STARD9: variants seen among roughly 807,000 people sequenced by gnomAD.
STARD9 encodes the protein StAR related lipid transfer domain containing 9, also known as stAR-related lipid transfer protein 9.
STARD9 carries 346 observed loss-of-function variants against 399.8 expected under a neutral mutation model. The observed-to-expected ratio is 0.87, with a 90% CI of 0.79 to 0.95. STARD9 has a LOEUF of 0.95. STARD9 is among the 40% of genes least tolerant of loss of function. STARD9 has a pLI of 0.00. For synonymous variants in STARD9, 2,203 were observed against 2,143.5 expected (o/e 1.03, Z -0.77); for missense variants, 5,832 against 5,667.5 (o/e 1.03, Z -0.93).
intron 9 of STARD9, among the ~76,000 whole-genome samples, chr15:42,660,783 ACATGCT>A (rs962347074): frequency 3.4e-4 from 52 of 152,254 alleles, no homozygotes; most frequent in African/African-American, 1.2e-3. Context: ...GAGGCCACCC[ACATGCT>A]GTGGCTCTCT....
rs1439631993 is a variant in STARD9 at position 42,578,145 on chromosome 15, CTG to C, written c.47+2385_47+2386del. Among the ~76,000 whole-genome samples the C allele has an allele frequency of 4.0e-5, 6 of 148,726 alleles. No individual in the cohort carries two copies. In the East Asian group the frequency reaches 1.2e-3, roughly 29 times the overall value. ...TTTCTTTTGGAGATGGAGTCTCACT[CTG>C]TCACCCAGGCTGGAGTGCAATGGCG... is the stretch of plus-strand genomic sequence containing the variant. On this transcript the variant is annotated intron_variant, in intron 1 of 32. Transcript: ENST00000290607.
chr15:42,718,243 TG>T, intron 30 of STARD9, 64 bp downstream of exon 30: 1 of 1,461,188 alleles, frequency 6.8e-7, no homozygotes, highest in Non-Finnish European at 9.3e-7. Flanking sequence ...GGGGTCTTGC[TG>T]GGGGATAGAG....
At chr15:42,589,330 G>C (rs1566855125) in intron 3 of STARD9, among the ~76,000 whole-genome samples, 1 of 152,152 alleles carries the variant, frequency 6.6e-6, no homozygotes, top group Non-Finnish European at 1.5e-5. Flanking sequence ...GGGATTATAG[G>C]CATGAGTCAC....
chr15:42,663,337 G>T lies in STARD9; in HGVS notation c.925G>T (p.Gly309Cys). ...CQSLNSSVSN[G>C]GDSGILSSPS... Reference sequence around the variant, plus strand: ...GAGCCTCAACAGCTCAGTCAGCAATGGTGGTGACAGTGGGATCCTTAGCTC... The same window carrying T: ...GAGCCTCAACAGCTCAGTCAGCAATTGTGGTGACAGTGGGATCCTTAGCTC... Residue 309 changes from glycine (G) to cysteine (C), a missense_variant, in exon 12 of 33, where the codon GGT becomes TGT. Physicochemically the swap from Gly to Cys is radical, Grantham distance 159. Around this residue, in one of 2 missense-constraint regions of STARD9, gnomAD observed 5,828 missense variants for 5,651.1 expected, o/e 1.03. Coordinates refer to ENST00000290607, the MANE Select transcript of STARD9 (RefSeq NM_020759.3). 8 of 1,537,340 alleles carry T rather than the reference G, an allele frequency of 5.2e-6. No individual in the cohort carries two copies. The highest frequency in any genetic ancestry group is 7.0e-6 in the Non-Finnish European group (8 of 1,146,918).
intron 9 of STARD9, among the ~76,000 whole-genome samples, chr15:42,658,699 T>G (rs1595720839): frequency 6.6e-6 from 1 of 151,352 alleles, no homozygotes; most frequent in Non-Finnish European, 1.5e-5. Context: ...GCCAGGCTGG[T>G]CTTGAACTCC....
chr15:42,700,738 T>C (rs1176413063), intron 26 of STARD9, among the ~76,000 whole-genome samples: 3 of 152,216 alleles, frequency 2.0e-5, no homozygotes, highest in East Asian at 3.8e-4. Context: ...CTCTTCACTC[T>C]TTTTTCCTTA....
At position 42,575,769 on chromosome 15, in the gene STARD9, C is replaced by G. The variant is rs1377266815; in HGVS notation, c.47+7C>G. 1 of 1,536,894 alleles carries G rather than the reference C, an allele frequency of 6.5e-7. No individual in the cohort carries two copies. The highest frequency in any genetic ancestry group is 1.2e-5 in the South Asian group (1 of 84,060). On this transcript the variant is annotated splice_region_variant and intron_variant, in intron 1 of 32. Transcript: ENST00000290607. ...TCCGGCCGCTCAGCAAGAGGTGAGT[C>G]TCCGCGGGAGAGGGCGCCTGAGGCT...
At chr15:42,587,969 C>T (rs191912782) in intron 3 of STARD9, among the ~76,000 whole-genome samples, 135 of 152,240 alleles carry the variant, frequency 8.9e-4, no homozygotes, top group African/African-American at 3.1e-3. Flanking sequence ...AGCAAAGTAA[C>T]TAACTTTGAG....
At chr15:42,631,669 G>A (rs2059335273) in intron 3 of STARD9, among the ~76,000 whole-genome samples, 1 of 151,952 alleles carries the variant, frequency 6.6e-6, no homozygotes, top group African/African-American at 2.4e-5. Context: ...ATTTCCATGT[G>A]TGTGTATGGT....
Position 42,662,775 on chromosome 15 carries a change from T to C in STARD9, c.771-19T>C. On this transcript the variant is annotated intron_variant, in intron 10 of 32. Transcript: ENST00000290607. Reference sequence around the variant, plus strand: ...GTCTTATTTGCTTTTGTTTTTGTTTTTCATTGACTGTGTTTTAGCGAAAGA... The same window carrying C: ...GTCTTATTTGCTTTTGTTTTTGTTTCTCATTGACTGTGTTTTAGCGAAAGA... The C allele has an allele frequency of 6.6e-7, 1 of 1,522,906 alleles. No homozygotes were observed. The highest frequency in any genetic ancestry group is 8.8e-7 in the Non-Finnish European group (1 of 1,133,994). 94.3% of individuals were successfully genotyped at this position (1,522,906 alleles called of 1,614,324 possible).
chr15:42,606,010 T>C (rs1385584767), intron 3 of STARD9, among the ~76,000 whole-genome samples: 1 of 152,220 alleles, frequency 6.6e-6, no homozygotes, highest in East Asian at 1.9e-4. Context: ...CCATGGAGTT[T>C]AGATTCAATT....
At position 42,693,518 on chromosome 15, in the gene STARD9, C is replaced by G; in HGVS notation, c.11940C>G (p.His3980Gln). ...ATGGGAGATCCTTCCTTGAGTTGCA[C>G]TCCCCACACAGCCCACAGCAGAGTC... ...RSNGRSFLEL[H>Q]SPHSPQQSPK... Residue 3980 changes from histidine (H) to glutamine (Q), a missense_variant, in exon 23 of 33, where the codon CAC becomes CAG. By Grantham distance (24) the His-to-Gln change is conservative (BLOSUM62 0). Around this residue, in one of 2 missense-constraint regions of STARD9, gnomAD observed 5,828 missense variants for 5,651.1 expected, o/e 1.03. Transcript: ENST00000290607. 6.5e-7 allele frequency: 1 copy of G among 1,537,276 alleles called. No homozygotes were observed.
In STARD9 at chr15:42,695,334, G is replaced by A. The variant is rs1320473645; in HGVS notation, c.13146+11G>A. 6.6e-6 allele frequency: 10 copies of A among 1,521,290 alleles called. No individual in the cohort carries two copies. In the South Asian group the frequency reaches 1.1e-4, roughly 17 times the overall value. 94.2% of individuals were successfully genotyped at this position (1,521,290 alleles called of 1,614,324 possible). A position where few individuals can be genotyped will look rare whatever the true frequency, so the allele number is the denominator to read the frequency against. The stretch of plus-strand genomic sequence containing the variant: ...TCCCAGCTATTGAAGGTGTGGAGTG[G>A]GGCATGCCTCTGATTTCAGGATAGG... On this transcript the variant is annotated intron_variant, in intron 25 of 32. Transcript: ENST00000290607.
chr15:42,622,350 C>CCTCTCTCT (rs141452327), intron 3 of STARD9, among the ~76,000 whole-genome samples: 2 of 148,988 alleles, frequency 1.3e-5, no homozygotes, highest in Non-Finnish European at 3.0e-5. Flanking sequence ...TCTCTCTCTC[C>CCTCTCTCT]CTCTCTCTCT....
intron 2 of STARD9, among the ~76,000 whole-genome samples, chr15:42,585,124 A>G (rs943048603): frequency 3.3e-5 from 5 of 152,230 alleles, no homozygotes; most frequent in Non-Finnish European, 7.3e-5. Flanking sequence ...GATATTATGT[A>G]TATGCAAATA....
Position 42,603,849 on chromosome 15 carries a change from C to A in STARD9, c.234+18212C>A, listed in dbSNP as rs565367019. Among the ~76,000 whole-genome samples, 7 of 152,188 alleles carry A rather than the reference C, an allele frequency of 4.6e-5. No homozygotes were observed. In the South Asian group the frequency reaches 1.0e-3, roughly 23 times the overall value. On this transcript the variant is annotated intron_variant, in intron 3 of 32. Coordinates refer to ENST00000290607, the MANE Select transcript of STARD9 (RefSeq NM_020759.3). Reference sequence around the variant, plus strand: ...AGAATACAGGGTCTGAAAAATACTTCAATTCCTATCTTTGGTTCAAAGAAC... The same window carrying A: ...AGAATACAGGGTCTGAAAAATACTTAAATTCCTATCTTTGGTTCAAAGAAC...
chr15:42,693,332 G>C lies in STARD9; in HGVS notation c.11754G>C (p.Leu3918Phe). 2 of 1,537,056 alleles carry C rather than the reference G, an allele frequency of 1.3e-6. No individual in the cohort carries two copies. Among genetic ancestry groups the C allele is most frequent in the Non-Finnish European group, 1.7e-6 (2 of 1,146,890 alleles). ...TQEPGLSPGS[L>F]TLSAPSTHPV... ...AGCCGGGTCTTTCCCCAGGCTCTTT[G>C]ACCCTCTCAGCCCCTTCAACTCACC... Residue 3918 changes from leucine to phenylalanine, a missense_variant, in exon 23 of 33, where the codon TTG becomes TTC. Around this residue, in one of 2 missense-constraint regions of STARD9, gnomAD observed 5,828 missense variants for 5,651.1 expected, o/e 1.03. Transcript: ENST00000290607.
chr15:42,578,257 C>A (rs2058097679), intron 1 of STARD9, among the ~76,000 whole-genome samples: 1 of 152,038 alleles, frequency 6.6e-6, no homozygotes, highest in African/African-American at 2.4e-5. Context: ...ATTATAGGCG[C>A]CTGCCACCAT....
intron 16 of STARD9, chr15:42,672,370 G>A (rs1884560714): frequency 6.6e-6 from 1 of 152,166 alleles, no homozygotes; most frequent in Admixed American, 6.5e-5. Flanking sequence ...AGGCAGGGTG[G>A]GCAGTGAACA....
Sources: gnomAD v4.1 joint callset for allele counts (sites outside exome capture counted in the v4.1 genomes callset) on GRCh38, gnomAD v4.1.1 for gene constraint, gnomAD v4.1.1 regional missense constraint, MANE v1.5 for transcripts, NCBI Gene and HGNC (gene_info 2026-07-23, HGNC 2026-07-21) for gene names.